Variants in ABCA13 observed in about 807,000 individuals in gnomAD.
ABCA13 encodes ATP binding cassette subfamily A member 13.
ABCA13 carries 476 observed loss-of-function variants against 478.7 expected under a neutral mutation model. The ratio of observed to expected loss-of-function variants is 0.99; its 90% CI spans 0.92 to 1.07. ABCA13 has a LOEUF of 1.07. ABCA13 is among the 50% of genes least tolerant of loss of function. The pLI is 0.00. For synonymous variants in ABCA13, 2,252 were observed against 2,158.9 expected, an observed-to-expected ratio of 1.04 and a Z score of -1.20; for missense variants, 6,060 against 5,910.6, an observed-to-expected ratio of 1.03 and a Z score of -0.83.
At chr7:48,255,944 C>G (rs998611464) in intron 15 of ABCA13, among the ~76,000 whole-genome samples, 2 of 152,036 alleles carry the variant, frequency 1.3e-5, no homozygotes, top group African/African-American at 2.4e-5. Context: ...TAAGTGTTCC[C>G]GTTTCTCCAC....
chr7:48,524,376 A>G lies in ABCA13; in HGVS notation c.14180A>G (p.Tyr4727Cys), dbSNP rs769582984. The G allele has an allele frequency of 3.7e-6, 6 of 1,613,278 alleles. No individual in the cohort carries two copies. Among genetic ancestry groups the G allele is most frequent in the Non-Finnish European group, 4.2e-6 (5 of 1,179,556 alleles). ...GTGTTATACAACCTTAGTAAACATTATCGACGCTTTTTCCAGAATATTATT... is the reference window on the plus strand; with the variant it reads ...GTGTTATACAACCTTAGTAAACATTGTCGACGCTTTTTCCAGAATATTATT... ...ILVLYNLSKH[Y>C]RRFFQNIIAV... The change falls in exon 54 of 62, where the codon TAT becomes TGT. Residue 4727 changes from tyrosine (Y) to cysteine (C), a missense_variant. Transcript: ENST00000435803.
Position 48,387,696 on chromosome 7 carries a change from T to C in ABCA13, c.11336-126T>C, listed in dbSNP as rs536317825. On this transcript the variant is annotated intron_variant, in intron 35 of 61. Transcript: ENST00000435803. ...CTGTGCCCTGGGATATCACATTTTG[T>C]ATATGGGACATATATTAAAAATATT... 168 of 844,406 alleles carry C rather than the reference T, an allele frequency of 2.0e-4. No individual in the cohort carries two copies. In the African/African-American group the frequency reaches 2.6e-3, roughly 13 times the overall value. 52.3% of individuals were successfully genotyped at this position (844,406 alleles called of 1,614,324 possible).
At chr7:48,560,411 A>C (rs58486673) in intron 55 of ABCA13, among the ~76,000 whole-genome samples, 21,086 of 152,146 alleles carry the variant, frequency 0.14, 1,828 homozygotes, top group African/African-American at 0.23. Flanking sequence ...GGAGGGATGT[A>C]ATCAGCGATT....
At chr7:48,484,874 G>A (rs58385535) in intron 47 of ABCA13, among the ~76,000 whole-genome samples, 10,106 of 152,266 alleles carry the variant, frequency 0.066, 414 homozygotes, top group African/African-American at 0.11. Context: ...AACTGCTGGC[G>A]GCTGATACTG....
In ABCA13 at chr7:48,276,463, A is replaced by G. The variant is rs759145806; in HGVS notation, c.6797A>G (p.Gln2266Arg). ...SLRSIVDFTE[Q>R]FLKTFFSLFL... ...AGAAGCATAGTAGATTTCACAGAAC[A>G]GTTTTTGAAAACATTCTTCTCCCTT... The change falls in exon 17 of 62, where the codon CAG (glutamine) becomes CGG (arginine). Residue 2266 changes from glutamine (Q) to arginine (R), a missense_variant. This residue lies in a region of ABCA13 where 4,423 missense variants were observed against 4,309.1 expected (regional missense o/e 1.03). Coordinates refer to ENST00000435803, the MANE Select transcript of ABCA13 (RefSeq NM_152701.5). 26 of 1,600,488 alleles carry G rather than the reference A, an allele frequency of 1.6e-5. No individual in the cohort carries two copies. The East Asian group carries it at 5.8e-4, about 36-fold the overall frequency.
intron 42 of ABCA13, among the ~76,000 whole-genome samples, chr7:48,441,203 T>C (rs936875721): frequency 2.6e-5 from 4 of 152,146 alleles, no homozygotes; most frequent in Non-Finnish European, 5.9e-5. Flanking sequence ...CAACATTAGC[T>C]CAGGATATTG....
rs200048739 is a variant in ABCA13 at position 48,275,876 on chromosome 7, C to T, written c.6210C>T (p.Thr2070=). 6.3e-5 allele frequency: 101 copies of T among 1,613,456 alleles called. No homozygotes were observed. The Admixed American group carries it at 1.6e-3, about 26-fold the overall frequency. Residue 2070 remains threonine (T), a synonymous_variant, in exon 17 of 62, where the codon ACC becomes ACT. Coordinates refer to ENST00000435803, the MANE Select transcript of ABCA13 (RefSeq NM_152701.5). ...PKFQQIMKDL[T]QDFRIRHLLS... ...TTCAACAAATCATGAAAGACCTAAC[C>T]CAAGATTTTAGAATCAGACACCTGC... is the stretch of plus-strand genomic sequence containing the variant.
intron 51 of ABCA13, among the ~76,000 whole-genome samples, chr7:48,513,122 A>G (rs1028081105): frequency 3.3e-5 from 5 of 152,202 alleles, no homozygotes; most frequent in African/African-American, 9.6e-5. Context: ...GTGCCTGGCA[A>G]TCTCTGGGTG....
Position 48,272,513 on chromosome 7 carries a change from C to A in ABCA13, c.2847C>A (p.His949Gln). ...QEVDKILTHIHLNVFQDKDSA... is the reference protein window; with the variant it reads ...QEVDKILTHIQLNVFQDKDSA... ...TTGATAAAATTTTGACTCACATACA[C>A]CTAAATGTCTTCCAGGACAAGGATT... Residue 949 changes from histidine (H) to glutamine (Q), a missense_variant, in exon 17 of 62, where the codon CAC becomes CAA. Around this residue, in one of 3 missense-constraint regions of ABCA13, gnomAD observed 4,423 missense variants for 4,309.1 expected, o/e 1.03. Coordinates refer to ENST00000435803, the MANE Select transcript of ABCA13 (RefSeq NM_152701.5). 2 of 1,613,764 alleles carry A rather than the reference C, an allele frequency of 1.2e-6. No individual in the cohort carries two copies. The highest frequency in any genetic ancestry group is 1.7e-6 in the Non-Finnish European group (2 of 1,179,764).
At chr7:48,506,503 T>C in intron 49 of ABCA13, 113 bp downstream of exon 49, 1 of 1,202,084 alleles carries the variant, frequency 8.3e-7, no homozygotes, top group Non-Finnish European at 1.2e-6. Context: ...AGATGGCTTA[T>C]AGAGTTAGCA....
chr7:48,244,665 T>C lies in ABCA13; in HGVS notation c.1352T>C (p.Leu451Pro), dbSNP rs1791396513. The stretch of plus-strand genomic sequence containing the variant: ...AGATTTCTTCAGCTTGATGGAGCTC[T>C]CAGAAATGCGATAGCTCAGAATTTA... ...LKRFLQLDGA[L>P]RNAIAQNLHF... The change falls in exon 11 of 62, where the codon CTC becomes CCC. Residue 451 changes from leucine (L) to proline (P), a missense_variant. Leu to Pro is a moderately conservative substitution (Grantham distance 98). Transcript: ENST00000435803. 6.2e-7 allele frequency: 1 copy of C among 1,610,596 alleles called. No homozygotes were observed. The highest frequency in any genetic ancestry group is 8.5e-7 in the Non-Finnish European group (1 of 1,178,024).
intron 55 of ABCA13, among the ~76,000 whole-genome samples, chr7:48,579,561 G>A (rs150704250): frequency 1.3e-5 from 2 of 152,242 alleles, no homozygotes; most frequent in African/African-American, 4.8e-5. Context: ...AGACAGTTTG[G>A]CAGAATCTTA....
intron 5 of ABCA13, among the ~76,000 whole-genome samples, chr7:48,224,879 T>C (rs1460872055): frequency 3.3e-5 from 5 of 152,206 alleles, no homozygotes; most frequent in African/African-American, 1.2e-4. Flanking sequence ...CCTCAGCTCC[T>C]TCTTCCTGGG....
chr7:48,396,277 G>C (rs1030766598), intron 38 of ABCA13, among the ~76,000 whole-genome samples: 1 of 152,232 alleles, frequency 6.6e-6, no homozygotes, highest in African/African-American at 2.4e-5. Flanking sequence ...CTCTCAGATG[G>C]CCAGAGGGGC....
At chr7:48,406,011 A>G (rs1486633328) in intron 39 of ABCA13, among the ~76,000 whole-genome samples, 1 of 152,204 alleles carries the variant, frequency 6.6e-6, no homozygotes, top group Non-Finnish European at 1.5e-5. Flanking sequence ...ACCTCTAGGT[A>G]ATCATAGAGC....
intron 2 of ABCA13, among the ~76,000 whole-genome samples, chr7:48,196,117 T>C (rs1179555790): frequency 6.6e-6 from 1 of 152,134 alleles, no homozygotes; most frequent in Non-Finnish European, 1.5e-5. Context: ...AAATTGTGAA[T>C]GATTTAGTTG....
intron 3 of ABCA13, among the ~76,000 whole-genome samples, chr7:48,200,413 C>A (rs1426200373): frequency 6.6e-6 from 1 of 152,130 alleles, no homozygotes; most frequent in Non-Finnish European, 1.5e-5. Flanking sequence ...AAATAATCTA[C>A]CTTTGTTTTC....
At chr7:48,588,966 A>G (rs896476126) in intron 57 of ABCA13, among the ~76,000 whole-genome samples, 3 of 152,184 alleles carry the variant, frequency 2.0e-5, no homozygotes, top group African/African-American at 7.2e-5. Flanking sequence ...ATACACATAT[A>G]TTGCTTGATT....
chr7:48,268,455 G>A (rs963882563), intron 15 of ABCA13, among the ~76,000 whole-genome samples: 6 of 152,084 alleles, frequency 3.9e-5, no homozygotes, highest in African/African-American at 1.2e-4. Context: ...CACCACACCC[G>A]GACACCTTTA....
Sources: gnomAD v4.1 joint callset for allele counts (sites outside exome capture counted in the v4.1 genomes callset) on GRCh38, gnomAD v4.1.1 for gene constraint, gnomAD v4.1.1 regional missense constraint, MANE v1.5 for transcripts, NCBI Gene and HGNC (gene_info 2026-07-23, HGNC 2026-07-21) for gene names.